Variants in GRM7 observed in about 807,000 individuals in gnomAD.
The protein encoded by GRM7 is metabotropic glutamate receptor 7.
In GRM7, 35 loss-of-function variants were observed where a neutral mutation model predicts 84.5. That is an observed-to-expected ratio of 0.41 (90% CI 0.32 to 0.55). The LOEUF is 0.55. GRM7 is among the 20% of genes least tolerant of loss of function. The pLI is 0.19. For synonymous variants in GRM7, 487 were observed against 455.1 expected (o/e 1.07, Z -0.89); for missense variants, 1,003 against 1,194.6 (o/e 0.84, Z 2.36).
chr3:7,071,286 G>A (rs532047093), intron 1 of GRM7, among the ~76,000 whole-genome samples: 1 of 152,204 alleles, frequency 6.6e-6, no homozygotes, highest in African/African-American at 2.4e-5. Flanking sequence ...GAAATAGGCA[G>A]CATTTTTTGG....
At chr3:6,998,942 A>G (rs1396607212) in intron 1 of GRM7, among the ~76,000 whole-genome samples, 2 of 152,210 alleles carry the variant, frequency 1.3e-5, no homozygotes, top group Middle Eastern at 3.2e-3. Flanking sequence ...GACATGCCCT[A>G]GAGACATTCT....
At chr3:7,203,912 G>A (rs1277509212) in intron 2 of GRM7, among the ~76,000 whole-genome samples, 2 of 152,142 alleles carry the variant, frequency 1.3e-5, no homozygotes, top group Non-Finnish European at 2.9e-5. Flanking sequence ...ATTCTCTAGA[G>A]AAGATGAAAA....
At chr3:7,468,917 T>C (rs1172249025) in intron 7 of GRM7, among the ~76,000 whole-genome samples, 1 of 152,208 alleles carries the variant, frequency 6.6e-6, no homozygotes, top group Non-Finnish European at 1.5e-5. Flanking sequence ...CTCTTTCTTT[T>C]ATAAATTATC....
In GRM7 at chr3:7,507,736, C is replaced by T. The variant is rs114961354; in HGVS notation, c.1515+46014C>T. Among the ~76,000 whole-genome samples, 1,423 of 152,224 alleles carry T rather than the reference C, an allele frequency of 9.3e-3. 23 individuals are homozygous for T. The highest frequency in any genetic ancestry group is 0.032 in the African/African-American group (1,322 of 41,538). On this transcript the variant is annotated intron_variant, in intron 7 of 9. Transcript: ENST00000357716. ...GCTGTTGTGCTTTTATAAAATACTGCTTATTTTTATAATTCAGTGTATTTT... is the reference window on the plus strand; with the variant it reads ...GCTGTTGTGCTTTTATAAAATACTGTTTATTTTTATAATTCAGTGTATTTT...
intron 8 of GRM7, among the ~76,000 whole-genome samples, chr3:7,624,433 G>A (rs1359824376): frequency 1.3e-5 from 2 of 152,052 alleles, no homozygotes; most frequent in Admixed American, 6.6e-5. Flanking sequence ...TTGACTTTGC[G>A]TTAACTACGT....
At chr3:7,247,647 T>TA (rs1287315653) in intron 2 of GRM7, among the ~76,000 whole-genome samples, 24 of 136,742 alleles carry the variant, frequency 1.8e-4, no homozygotes, top group South Asian at 2.4e-4. Context: ...AAAATAATAG[T>TA]AAAAAAAAAA....
At chr3:7,685,249 GA>G in intron 9 of GRM7, among the ~76,000 whole-genome samples, 1 of 152,306 alleles carries the variant, frequency 6.6e-6, no homozygotes, top group Admixed American at 6.5e-5. Context: ...GTATCAACCA[GA>G]AGATGTTCTG....
chr3:7,504,541 G>T (rs919336350), intron 7 of GRM7, among the ~76,000 whole-genome samples: 1 of 152,206 alleles, frequency 6.6e-6, no homozygotes, highest in Non-Finnish European at 1.5e-5. Flanking sequence ...CAATAGCATG[G>T]TGTCTGCATC....
chr3:7,327,746 C>G (rs1701042765), intron 4 of GRM7, among the ~76,000 whole-genome samples: 1 of 152,102 alleles, frequency 6.6e-6, no homozygotes, highest in Non-Finnish European at 1.5e-5. Context: ...CGAGGTGGAC[C>G]AGGTGGGAAG....
intron 8 of GRM7, among the ~76,000 whole-genome samples, chr3:7,579,673 A>C (rs9845577): frequency 0.55 from 84,146 of 151,702 alleles, 23,522 homozygotes; most frequent in Non-Finnish European, 0.57. Context: ...TTATTCCTCA[A>C]CTTCTCCACT....
chr3:7,146,500 C>A lies in GRM7; in HGVS notation c.568C>A (p.Arg190=). Residue 190 remains arginine, a synonymous_variant, in exon 2 of 10, where the codon CGG becomes AGG. Coordinates refer to ENST00000357716, the MANE Select transcript of GRM7 (RefSeq NM_000844.4). ...ASTAPELSDD[R]RYDFFSRVVP... Reference sequence around the variant, plus strand: ...AACGGCACCCGAGCTAAGTGATGACCGGCGCTATGACTTCTTCTCTCGCGT... The same window carrying A: ...AACGGCACCCGAGCTAAGTGATGACAGGCGCTATGACTTCTTCTCTCGCGT... The A allele has an allele frequency of 6.2e-7, 1 of 1,613,880 alleles. No homozygotes were observed. Among genetic ancestry groups the A allele is most frequent in the Non-Finnish European group, 8.5e-7 (1 of 1,179,950 alleles).
chr3:7,568,422 T>C (rs1380697821), intron 7 of GRM7, among the ~76,000 whole-genome samples: 2 of 152,218 alleles, frequency 1.3e-5, no homozygotes, highest in Non-Finnish European at 2.9e-5. Context: ...CTTACAAAGG[T>C]GGTGAGAGGT....
intron 2 of GRM7, among the ~76,000 whole-genome samples, chr3:7,251,427 A>C (rs1301004508): frequency 6.6e-6 from 1 of 152,014 alleles, no homozygotes; most frequent in Non-Finnish European, 1.5e-5. Flanking sequence ...CTTTTTTTTC[A>C]CAAAAAAAGT....
chr3:7,497,172 A>T lies in GRM7; in HGVS notation c.1515+35450A>T, dbSNP rs543699102. 3.9e-5 allele frequency among the ~76,000 whole-genome samples: 6 copies of T among 152,134 alleles called. No homozygotes were observed. In the East Asian group the frequency reaches 9.7e-4, roughly 25 times the overall value. ...TGAAGTGGCCATCATGATTAGGGCCAGGCTTTGGAAGTCTGAGAGCCCTGG... is the reference window on the plus strand; with the variant it reads ...TGAAGTGGCCATCATGATTAGGGCCTGGCTTTGGAAGTCTGAGAGCCCTGG... On this transcript the variant is annotated intron_variant, in intron 7 of 9. Transcript: ENST00000357716.
intron 2 of GRM7, among the ~76,000 whole-genome samples, chr3:7,182,620 T>G (rs1695377440): frequency 1.3e-5 from 2 of 152,232 alleles, no homozygotes; most frequent in East Asian, 3.9e-4. Context: ...TTTGTGTGTT[T>G]TATTTCTTCT....
intron 1 of GRM7, among the ~76,000 whole-genome samples, chr3:6,948,091 C>G (rs1197032224): frequency 6.6e-6 from 1 of 152,074 alleles, no homozygotes; most frequent in East Asian, 1.9e-4. Context: ...TTCTTGCCTT[C>G]TTGTAGCCTT....
chr3:7,642,446 GT>G (rs981245832), intron 8 of GRM7, among the ~76,000 whole-genome samples: 2 of 152,246 alleles, frequency 1.3e-5, no homozygotes, highest in Non-Finnish European at 1.5e-5. Context: ...AATATTGATG[GT>G]TAAAACCTGG....
intron 4 of GRM7, among the ~76,000 whole-genome samples, chr3:7,313,086 G>A (rs899859873): frequency 3.3e-5 from 5 of 151,598 alleles, no homozygotes; most frequent in Non-Finnish European, 4.4e-5. Flanking sequence ...CTGCCACCAC[G>A]CCCAACTAGT....
intron 1 of GRM7, among the ~76,000 whole-genome samples, chr3:7,114,512 T>G (rs533761687): frequency 5.3e-5 from 8 of 152,288 alleles, no homozygotes; most frequent in African/African-American, 1.7e-4. Context: ...TTACTAAGGA[T>G]TAAACATGCA....
Sources: allele counts gnomAD v4.1 joint callset (sites outside exome capture counted in the v4.1 genomes callset), GRCh38; gene constraint gnomAD v4.1.1; transcripts MANE v1.5; gene names NCBI Gene and HGNC (gene_info 2026-07-23, HGNC 2026-07-21).